CALN1: variants seen among roughly 807,000 people sequenced by gnomAD.
CALN1 encodes the protein calneuron 1.
A neutral mutation model predicts 30.6 loss-of-function variants in CALN1; 17 were observed. That is an observed-to-expected ratio of 0.56 (90% confidence interval 0.38 to 0.83). The LOEUF is 0.83. Among genes scored for constraint, CALN1 ranks in the 40% least tolerant of loss-of-function variants. The pLI, the probability that CALN1 is intolerant of heterozygous loss-of-function variation, is 0.00. For synonymous variants in CALN1, 156 were observed against 131.4 expected (o/e 1.19, Z -1.28); for missense variants, 291 against 354.9 (o/e 0.82, Z 1.45).
intron 3 of CALN1, among the ~76,000 whole-genome samples, chr7:72,232,979 C>T (rs994280435): frequency 6.6e-6 from 1 of 151,644 alleles, no homozygotes; most frequent in African/African-American, 2.4e-5. Context: ...TAGCATGTAA[C>T]ATGTTTAGCA....
At chr7:71,889,095 G>A (rs117440555) in intron 5 of CALN1, among the ~76,000 whole-genome samples, 502 of 152,314 alleles carry the variant, frequency 3.3e-3, no homozygotes, top group Middle Eastern at 0.014. Flanking sequence ...ACCCAGGTGC[G>A]ATGTGAGATC....
At chr7:71,886,153 G>C (rs1792889391) in intron 5 of CALN1, among the ~76,000 whole-genome samples, 1 of 152,256 alleles carries the variant, frequency 6.6e-6, no homozygotes, top group African/African-American at 2.4e-5. Context: ...AGTTTTCTCT[G>C]CTTTGAAAGG....
At chr7:71,980,444 C>T (rs182772446) in intron 5 of CALN1, among the ~76,000 whole-genome samples, 60 of 152,282 alleles carry the variant, frequency 3.9e-4, no homozygotes, top group African/African-American at 1.4e-3. Flanking sequence ...GTCTCTCGGA[C>T]TCCCACAAGT....
chr7:72,212,792 C>A (rs1792509003), intron 3 of CALN1, among the ~76,000 whole-genome samples: 1 of 152,174 alleles, frequency 6.6e-6, no homozygotes, highest in African/African-American at 2.4e-5. Context: ...CCAGCCTGGG[C>A]AACACAGCAA....
At chr7:71,833,812 C>G (rs1465567501) in intron 5 of CALN1, among the ~76,000 whole-genome samples, 1 of 152,022 alleles carries the variant, frequency 6.6e-6, no homozygotes, top group East Asian at 1.9e-4. Flanking sequence ...ACTTGGGAAG[C>G]TGAGGTGGGA....
intron 5 of CALN1, among the ~76,000 whole-genome samples, chr7:71,981,679 A>AAG (rs1478404760): frequency 6.6e-6 from 1 of 151,966 alleles, no homozygotes; most frequent in African/African-American, 2.4e-5. Flanking sequence ...AAAACCAAAA[A>AAG]AAAAAACAAG....
chr7:72,445,950 C>T lies in CALN1; in HGVS notation c.-226+1092G>A, dbSNP rs535867446. On this transcript the variant is annotated intron_variant, in intron 1 of 6. Transcript: ENST00000395276. ...TTGAACGGGGATGTTAACCATTCAGCGTGTTTTAAAGCCCCTGGAAAATTC... is the reference window on the plus strand; with the variant it reads ...TTGAACGGGGATGTTAACCATTCAGTGTGTTTTAAAGCCCCTGGAAAATTC... Among the ~76,000 whole-genome samples, 85 of 152,276 alleles carry T rather than the reference C, an allele frequency of 5.6e-4. 3 individuals carry two copies. In the South Asian group the frequency reaches 0.017, roughly 30 times the overall value.
chr7:72,166,802 G>A (rs1788556255), intron 3 of CALN1, among the ~76,000 whole-genome samples: 1 of 152,182 alleles, frequency 6.6e-6, no homozygotes, highest in South Asian at 2.1e-4. Context: ...CAGCACTTTG[G>A]GAGGCCAAGG....
chr7:71,842,140 C>G (rs555442490), intron 5 of CALN1, among the ~76,000 whole-genome samples: 1 of 152,240 alleles, frequency 6.6e-6, no homozygotes, highest in Non-Finnish European at 1.5e-5. Context: ...AGATACTAGG[C>G]AGCAACTCAC....
At chr7:72,037,393 A>C (rs933397942) in intron 4 of CALN1, among the ~76,000 whole-genome samples, 2 of 151,418 alleles carry the variant, frequency 1.3e-5, no homozygotes, top group Non-Finnish European at 2.9e-5. Flanking sequence ...CTTGTGATCC[A>C]CCCGCCTCGG....
chr7:71,828,827 C>A (rs1283870245), intron 5 of CALN1, among the ~76,000 whole-genome samples: 2 of 151,742 alleles, frequency 1.3e-5, no homozygotes, highest in Non-Finnish European at 2.9e-5. Context: ...TGACTCATGG[C>A]AACCTCCGCC....
chr7:72,337,456 G>T, intron 2 of CALN1: 1 of 189,854 alleles, frequency 5.3e-6, no homozygotes. Context: ...GCACATGCAC[G>T]GCACACACAG....
At chr7:71,922,659 T>C (rs1365843735) in intron 5 of CALN1, among the ~76,000 whole-genome samples, 1 of 137,184 alleles carries the variant, frequency 7.3e-6, no homozygotes, top group African/African-American at 2.7e-5. Context: ...TATATATAAA[T>C]ATATAACATA....
intron 4 of CALN1, among the ~76,000 whole-genome samples, chr7:72,095,482 T>C (rs959401212): frequency 3.9e-5 from 6 of 152,180 alleles, no homozygotes; most frequent in Non-Finnish European, 2.9e-5. Flanking sequence ...TATTCACAAA[T>C]GCAGGCATTT....
intron 5 of CALN1, among the ~76,000 whole-genome samples, chr7:71,922,266 T>C (rs1322209213): frequency 6.6e-6 from 1 of 152,080 alleles, no homozygotes; most frequent in African/African-American, 2.4e-5. Flanking sequence ...TGGTTCACAT[T>C]TGCATAACTT....
At chr7:72,303,750 C>T (rs897371384) in intron 2 of CALN1, among the ~76,000 whole-genome samples, 1 of 152,092 alleles carries the variant, frequency 6.6e-6, no homozygotes, top group African/African-American at 2.4e-5. Context: ...TGGCTCACAT[C>T]TGTAAACCCA....
At chr7:71,926,329 ACTCCAGAAAGTTAC>A (rs533639711) in intron 5 of CALN1, among the ~76,000 whole-genome samples, 1 of 152,182 alleles carries the variant, frequency 6.6e-6, no homozygotes, top group South Asian at 2.1e-4. Context: ...CACAGCCAGC[ACTCCAGAAAGTTAC>A]CTATTGCTTG....
intron 5 of CALN1, among the ~76,000 whole-genome samples, chr7:72,007,402 C>G (rs1320361996): frequency 1.3e-5 from 2 of 152,098 alleles, no homozygotes; most frequent in East Asian, 3.9e-4. Context: ...AAAAAATTAG[C>G]TGGGTATGGT....
At chr7:72,286,161 C>G (rs755970994) in intron 2 of CALN1, among the ~76,000 whole-genome samples, 1 of 152,166 alleles carries the variant, frequency 6.6e-6, no homozygotes, top group Non-Finnish European at 1.5e-5. Context: ...AGATTGTTAT[C>G]TACCCAAATT....
Sources: allele counts gnomAD v4.1 joint callset (sites outside exome capture counted in the v4.1 genomes callset), GRCh38; gene constraint gnomAD v4.1.1; transcripts MANE v1.5; gene names NCBI Gene and HGNC (gene_info 2026-07-23, HGNC 2026-07-21).